OR9Q1: variants seen among roughly 807,000 people sequenced by gnomAD.
The protein encoded by OR9Q1 is olfactory receptor family 9 subfamily Q member 1, also known as olfactory receptor 9Q1.
For synonymous variants in OR9Q1, 153 were observed against 148.6 expected, an observed-to-expected ratio of 1.03 and a Z score of -0.22; for missense variants, 374 against 378.8, an observed-to-expected ratio of 0.99 and a Z score of 0.11.
chr11:58,179,877 G>C lies in OR9Q1; in HGVS notation c.433G>C (p.Val145Leu), dbSNP rs146689802. 1 of 1,614,060 alleles carries C rather than the reference G, an allele frequency of 6.2e-7. No individual in the cohort carries two copies. Among genetic ancestry groups the C allele is most frequent in the African/African-American group, 1.3e-5 (1 of 74,932 alleles). The change falls in exon 3 of 3, where the codon GTG becomes CTG. Residue 145 changes from valine (V) to leucine (L), a missense_variant. Physicochemically the swap from Val to Leu is conservative, Grantham distance 32. Transcript: ENST00000335397. ...ILTQQARLSL[V>L]AGAYVAGLIS... ...GACACAGCAGGCCCGCTTGAGTCTT[G>C]TGGCTGGGGCTTACGTTGCTGGTCT... is the stretch of plus-strand genomic sequence containing the variant.
chr11:58,138,116 C>T (rs1854206517), intron 2 of OR9Q1, among the ~76,000 whole-genome samples: 1 of 152,266 alleles, frequency 6.6e-6, no homozygotes, highest in South Asian at 2.1e-4. Flanking sequence ...CTCTCTGGCT[C>T]ATCACCGTCA....
chr11:58,176,227 G>C (rs182634127), intron 2 of OR9Q1, among the ~76,000 whole-genome samples: 1 of 151,878 alleles, frequency 6.6e-6, no homozygotes, highest in African/African-American at 2.4e-5. Flanking sequence ...TCTGATGGAA[G>C]AAATTAAAGT....
At chr11:58,133,989 G>A (rs1204150196) in intron 2 of OR9Q1, among the ~76,000 whole-genome samples, 1 of 152,160 alleles carries the variant, frequency 6.6e-6, no homozygotes, top group Admixed American at 6.5e-5. Context: ...TGAAGCCTCA[G>A]ATTCCTGCAG....
chr11:58,120,719 A>G (rs1435245253), intron 2 of OR9Q1, among the ~76,000 whole-genome samples: 4 of 150,900 alleles, frequency 2.7e-5, no homozygotes, highest in African/African-American at 9.7e-5. Context: ...GATTTTCTGT[A>G]CTGAAACATA....
At chr11:58,058,867 C>A (rs1237697970) in intron 2 of OR9Q1, among the ~76,000 whole-genome samples, 1 of 152,146 alleles carries the variant, frequency 6.6e-6, no homozygotes, top group African/African-American at 2.4e-5. Context: ...GGACTCAAGG[C>A]TGGTGGGTGC....
chr11:58,151,354 A>C (rs534913590), intron 2 of OR9Q1, among the ~76,000 whole-genome samples: 3 of 152,294 alleles, frequency 2.0e-5, no homozygotes, highest in Admixed American at 1.3e-4. Context: ...AATTCCAGGT[A>C]CCCTGCCCCA....
intron 2 of OR9Q1, among the ~76,000 whole-genome samples, chr11:58,142,152 T>G (rs1854256070): frequency 6.6e-6 from 1 of 152,154 alleles, no homozygotes; most frequent in African/African-American, 2.4e-5. Context: ...TTTGATACTT[T>G]TAATTCCTCA....
At chr11:58,100,641 T>A (rs1035533416) in intron 2 of OR9Q1, among the ~76,000 whole-genome samples, 3 of 152,174 alleles carry the variant, frequency 2.0e-5, no homozygotes, top group Non-Finnish European at 2.9e-5. Flanking sequence ...TATATTTATA[T>A]TGAATATTTC....
chr11:58,137,754 G>C (rs1854202748), intron 2 of OR9Q1, among the ~76,000 whole-genome samples: 1 of 152,152 alleles, frequency 6.6e-6, no homozygotes, highest in Admixed American at 6.6e-5. Flanking sequence ...GCAAGCTCCT[G>C]TTTCCCAGTC....
intron 2 of OR9Q1, among the ~76,000 whole-genome samples, chr11:58,082,691 G>A (rs1425991251): frequency 2.9e-4 from 42 of 143,710 alleles, no homozygotes; most frequent in Non-Finnish European, 4.7e-4. Flanking sequence ...GCACATGTAT[G>A]CATATGTAAC....
chr11:58,026,961 C>A (rs902594764), intron 1 of OR9Q1: 10 of 152,152 alleles, frequency 6.6e-5, no homozygotes, highest in African/African-American at 2.4e-4. Flanking sequence ...GAATTCATTT[C>A]TTGAGTCTCT....
chr11:58,141,246 C>T (rs1854245966), intron 2 of OR9Q1, among the ~76,000 whole-genome samples: 1 of 152,138 alleles, frequency 6.6e-6, no homozygotes, highest in Non-Finnish European at 1.5e-5. Flanking sequence ...CCAGAACTTC[C>T]AACACTATGT....
At chr11:58,031,684 C>T (rs1853041497) in intron 1 of OR9Q1, 1 of 1,613,858 alleles carries the variant, frequency 6.2e-7, no homozygotes, top group South Asian at 1.1e-5. Context: ...CCTTCTCTAC[C>T]TGTGCAGCTC....
rs151246154 is a variant in OR9Q1, at chr11:58,148,445, AC to A, written c.-14-30985del. Among the ~76,000 whole-genome samples the A allele has an allele frequency of 6.5e-3, 995 of 152,318 alleles. 7 individuals carry two copies. The highest frequency in any genetic ancestry group is 0.023 in the African/African-American group (943 of 41,576). On this transcript the variant is annotated intron_variant, in intron 2 of 2. Coordinates refer to ENST00000335397, the MANE Select transcript of OR9Q1 (RefSeq NM_001005212.4). ...AGATCAATACAAGATGGATAGAAAT[AC>A]TTACCAGATTTCTTTTTTTCCTCCT...
chr11:58,149,608 A>G (rs1304309415), intron 2 of OR9Q1, among the ~76,000 whole-genome samples: 1 of 151,760 alleles, frequency 6.6e-6, no homozygotes, highest in African/African-American at 2.4e-5. Context: ...GTACCCATTA[A>G]CTCCCCATTT....
chr11:58,142,940 G>T (rs1235614204), intron 2 of OR9Q1, among the ~76,000 whole-genome samples: 1 of 152,142 alleles, frequency 6.6e-6, no homozygotes, highest in Non-Finnish European at 1.5e-5. Context: ...AGGCCATGTT[G>T]CTTGGCAGGA....
rs376756425 is a variant in OR9Q1 at position 58,180,245 on chromosome 11, G to A, written c.801G>A (p.Ser267=). 2.0e-5 allele frequency: 32 copies of A among 1,613,932 alleles called. No individual in the cohort carries two copies. Among genetic ancestry groups the A allele is most frequent in the Non-Finnish European group, 2.5e-5 (30 of 1,180,004 alleles). ...TGAGAGGTAACTCAGATCAGTCTTC[G>A]GAGAAGAATCGGGTAGTGTCTGTGC... The part of the protein sequence containing the change: ...MYLRGNSDQS[S]EKNRVVSVLY... Residue 267 remains serine (S), a synonymous_variant, in exon 3 of 3, where the codon TCG becomes TCA. Coordinates refer to ENST00000335397, the MANE Select transcript of OR9Q1 (RefSeq NM_001005212.4).
chr11:58,179,675 T>C lies in OR9Q1; in HGVS notation c.231T>C (p.Thr77=). ...AFMDVCYSSI[T]VPQMLAVLLE... is the part of the protein sequence containing the mutation. ...TGGACGTCTGCTACTCATCTATCACTGTCCCCCAGATGCTGGCAGTGCTGC... is the reference window on the plus strand; with the variant it reads ...TGGACGTCTGCTACTCATCTATCACCGTCCCCCAGATGCTGGCAGTGCTGC... Residue 77 remains threonine (T), a synonymous_variant, in exon 3 of 3, where the codon ACT becomes ACC. Transcript: ENST00000335397. 6.2e-7 allele frequency: 1 copy of C among 1,614,106 alleles called. No individual in the cohort carries two copies. The highest frequency in any genetic ancestry group is 8.5e-7 in the Non-Finnish European group (1 of 1,179,954).
intron 2 of OR9Q1, chr11:58,118,415 T>TAC (rs1853980873): frequency 1.3e-5 from 11 of 843,976 alleles, no homozygotes; most frequent in Non-Finnish European, 1.7e-5. Flanking sequence ...TTTGTGGGTA[T>TAC]AGGTTGCATA....
Sources: gnomAD v4.1 joint callset for allele counts (sites outside exome capture counted in the v4.1 genomes callset) on GRCh38, gnomAD v4.1.1 for gene constraint, MANE v1.5 for transcripts, NCBI Gene and HGNC (gene_info 2026-07-23, HGNC 2026-07-21) for gene names.